Variants in NBEA observed in about 807,000 individuals in gnomAD.
The protein encoded by NBEA is neurobeachin, also known as lysosomal-trafficking regulator 2.
In NBEA, 44 loss-of-function variants were observed where a neutral mutation model predicts 343.4. The observed-to-expected ratio is 0.13, with a 90% CI of 0.10 to 0.16. The LOEUF is 0.16. Among genes scored for constraint, NBEA ranks in the 10% least tolerant of loss-of-function variants. The pLI is 1.00. For synonymous variants in NBEA, 1,175 were observed against 1,238.7 expected (o/e 0.95, Z 1.08); for missense variants, 2,555 against 3,631.3 (o/e 0.70, Z 7.62).
At chr13:35,438,036 C>G (rs1043667261) in intron 39 of NBEA, among the ~76,000 whole-genome samples, 1 of 152,050 alleles carries the variant, frequency 6.6e-6, no homozygotes, top group South Asian at 2.1e-4. Context: ...GCAAGCACCT[C>G]CATGTCTGTG....
chr13:35,420,524 A>T (rs140767463), intron 38 of NBEA, among the ~76,000 whole-genome samples: 1 of 151,928 alleles, frequency 6.6e-6, no homozygotes, highest in African/African-American at 2.4e-5. Context: ...GATGTTAGCT[A>T]TAATAATTAT....
intron 41 of NBEA, among the ~76,000 whole-genome samples, chr13:35,521,304 C>T (rs552628340): frequency 2.6e-5 from 4 of 152,190 alleles, no homozygotes; most frequent in East Asian, 1.9e-4. Context: ...AGGCAAAATG[C>T]GATAGGCTTT....
intron 49 of NBEA, among the ~76,000 whole-genome samples, chr13:35,629,887 T>C (rs552671619): frequency 1.3e-5 from 2 of 152,342 alleles, no homozygotes; most frequent in South Asian, 4.1e-4. Flanking sequence ...TTCATCCTTA[T>C]ATTCTAAGAT....
intron 38 of NBEA, among the ~76,000 whole-genome samples, chr13:35,419,976 T>C (rs2044170157): frequency 6.6e-6 from 1 of 152,112 alleles, no homozygotes. Context: ...CTATCTTGCA[T>C]CTCGTGACCT....
intron 38 of NBEA, among the ~76,000 whole-genome samples, chr13:35,392,463 G>A (rs933983973): frequency 2.7e-5 from 4 of 149,222 alleles, no homozygotes; most frequent in African/African-American, 7.4e-5. Flanking sequence ...CAGTATGTGT[G>A]TGTGTGGTTT....
chr13:35,511,508 T>A (rs997877620), intron 41 of NBEA, among the ~76,000 whole-genome samples: 4 of 152,102 alleles, frequency 2.6e-5, no homozygotes, highest in Non-Finnish European at 4.4e-5. Context: ...AAAGAAAAAA[T>A]AATCACTAGC....
chr13:35,308,012 C>A (rs900289888), intron 35 of NBEA, among the ~76,000 whole-genome samples: 1 of 151,922 alleles, frequency 6.6e-6, no homozygotes, highest in Non-Finnish European at 1.5e-5. Context: ...CCCAAGTTAC[C>A]ATATCTCTTT....
At chr13:35,362,529 A>G (rs1156293975) in intron 38 of NBEA, among the ~76,000 whole-genome samples, 2 of 151,998 alleles carry the variant, frequency 1.3e-5, no homozygotes, top group Non-Finnish European at 2.9e-5. Flanking sequence ...TTACAAGTAT[A>G]TTGACAGTTA....
chr13:35,260,099 G>A (rs982798521), intron 34 of NBEA, among the ~76,000 whole-genome samples: 2 of 152,100 alleles, frequency 1.3e-5, no homozygotes, highest in Admixed American at 6.6e-5. Flanking sequence ...CTTCAAACAC[G>A]TAAGATCATG....
At chr13:34,957,629 C>A (rs80069833) in intron 1 of NBEA, among the ~76,000 whole-genome samples, 1,548 of 152,194 alleles carry the variant, frequency 0.01, 23 homozygotes, top group African/African-American at 0.029. Context: ...GCAAAAACTT[C>A]TATTTATCTT....
chr13:35,453,431 C>T (rs565409307), intron 40 of NBEA, among the ~76,000 whole-genome samples: 2 of 152,186 alleles, frequency 1.3e-5, no homozygotes, highest in Non-Finnish European at 1.5e-5. Flanking sequence ...GTTTTGCTTT[C>T]GTTGTTTTTG....
intron 36 of NBEA, among the ~76,000 whole-genome samples, chr13:35,318,090 A>C (rs1488878246): frequency 6.6e-6 from 1 of 151,998 alleles, no homozygotes; most frequent in Non-Finnish European, 1.5e-5. Context: ...AATACGCTTT[A>C]TTTCTTTCTC....
At chr13:35,305,957 G>A (rs1253918506) in intron 35 of NBEA, among the ~76,000 whole-genome samples, 1 of 152,044 alleles carries the variant, frequency 6.6e-6, no homozygotes, top group African/African-American at 2.4e-5. Flanking sequence ...TTTGAAACTG[G>A]CTGATGTTAA....
rs2069230173 is a variant in NBEA, at chr13:35,157,181, A to G, written c.2755A>G (p.Ile919Val). ...GAAGATTACCGAAATGGTCTACAATATCTTCCGGATTCTTTTGTATCATGC... is the reference window on the plus strand; with the variant it reads ...GAAGATTACCGAAATGGTCTACAATGTCTTCCGGATTCTTTTGTATCATGC... The part of the protein sequence containing the change: ...EQKITEMVYN[I>V]FRILLYHAIK... Residue 919 changes from isoleucine (I) to valine (V), a missense_variant, in exon 21 of 59, where the codon ATC (isoleucine) becomes GTC (valine). By Grantham distance (29) the Ile-to-Val change is conservative. Coordinates refer to ENST00000379939, the MANE Select transcript of NBEA (RefSeq NM_001385012.1). 3 of 1,610,846 alleles carry G rather than the reference A, an allele frequency of 1.9e-6. No individual in the cohort carries two copies. Among genetic ancestry groups the G allele is most frequent in the East Asian group, 2.2e-5 (1 of 44,816 alleles).
intron 31 of NBEA, 38 bp from the exon 32 acceptor site, chr13:35,208,662 C>T: frequency 1.3e-6 from 2 of 1,500,554 alleles, no homozygotes; most frequent in Non-Finnish European, 1.8e-6. Context: ...CATCTTCAAC[C>T]TCATGTTTGT....
intron 13 of NBEA, among the ~76,000 whole-genome samples, chr13:35,111,235 A>T (rs1348588046): frequency 1.3e-5 from 2 of 152,178 alleles, no homozygotes; most frequent in Non-Finnish European, 2.9e-5. Context: ...ATTCAGGAAG[A>T]TACATTCATA....
intron 1 of NBEA, among the ~76,000 whole-genome samples, chr13:34,992,230 GTGTGTGTGTA>G (rs1338588226): frequency 2.0e-4 from 23 of 112,622 alleles, no homozygotes; most frequent in African/African-American, 6.7e-4. Flanking sequence ...ATATGTGTGT[GTGTGTGTGTA>G]TATATATATA....
At chr13:35,572,923 G>A (rs1305985031) in intron 45 of NBEA, among the ~76,000 whole-genome samples, 2 of 152,066 alleles carry the variant, frequency 1.3e-5, no homozygotes, top group Admixed American at 1.3e-4. Context: ...TCTACCTAAT[G>A]CTTAATTTTA....
chr13:35,163,310 T>C (rs2069715458), intron 23 of NBEA, among the ~76,000 whole-genome samples: 1 of 152,150 alleles, frequency 6.6e-6, no homozygotes, highest in Admixed American at 6.6e-5. Context: ...ATTGACTCAA[T>C]TTTGACCATG....
Sources: allele counts gnomAD v4.1 joint callset (sites outside exome capture counted in the v4.1 genomes callset), GRCh38; gene constraint gnomAD v4.1.1; transcripts MANE v1.5; gene names NCBI Gene and HGNC (gene_info 2026-07-23, HGNC 2026-07-21).